PIGK: variants seen among roughly 807,000 people sequenced by gnomAD.
PIGK encodes GPI-anchor transamidase.
PIGK carries 42 observed loss-of-function variants against 50.6 expected under a neutral mutation model. That is an observed-to-expected ratio of 0.83 (90% CI 0.65 to 1.07). PIGK has a LOEUF of 1.07. PIGK is among the 50% of genes least tolerant of loss of function. PIGK has a pLI of 0.00. For synonymous variants in PIGK, 151 were observed against 156.0 expected, an observed-to-expected ratio of 0.97 and a Z score of 0.24; for missense variants, 448 against 488.7, an observed-to-expected ratio of 0.92 and a Z score of 0.78.
At chr1:77,207,292 G>A (rs764624741) in intron 2 of PIGK, among the ~76,000 whole-genome samples, 10 of 152,116 alleles carry the variant, frequency 6.6e-5, no homozygotes, top group Non-Finnish European at 1.3e-4. Context: ...ATCAAATACT[G>A]AACCAACTTA....
At chr1:77,100,877 A>G (rs1653526987) in intron 10 of PIGK, among the ~76,000 whole-genome samples, 1 of 152,156 alleles carries the variant, frequency 6.6e-6, no homozygotes, top group Non-Finnish European at 1.5e-5. Flanking sequence ...AAACACAAAG[A>G]ACTGAATTCT....
chr1:77,200,451 T>C (rs994397189), intron 3 of PIGK, among the ~76,000 whole-genome samples: 4 of 152,028 alleles, frequency 2.6e-5, no homozygotes. Flanking sequence ...CATATACACA[T>C]TTTAGAATTT....
At chr1:77,120,210 T>C (rs1654067169) in intron 10 of PIGK, among the ~76,000 whole-genome samples, 1 of 152,090 alleles carries the variant, frequency 6.6e-6, no homozygotes, top group South Asian at 2.1e-4. Context: ...AGGAAAAAAG[T>C]TGCATGCATT....
chr1:77,175,307 T>C (rs1655458018), intron 3 of PIGK, among the ~76,000 whole-genome samples: 1 of 152,134 alleles, frequency 6.6e-6, no homozygotes, highest in Non-Finnish European at 1.5e-5. Context: ...AAAGAGATTT[T>C]ATATAAGAAA....
chr1:77,168,730 A>C (rs946558815), intron 4 of PIGK, among the ~76,000 whole-genome samples: 1 of 151,798 alleles, frequency 6.6e-6, no homozygotes, highest in Non-Finnish European at 1.5e-5. Context: ...ACTTCATAAA[A>C]GAAGACTTCA....
intron 9 of PIGK, among the ~76,000 whole-genome samples, chr1:77,150,337 C>T (rs1265780590): frequency 2.0e-5 from 3 of 151,264 alleles, no homozygotes; most frequent in Non-Finnish European, 4.4e-5. Flanking sequence ...AGGCAACATA[C>T]GGAGACCCCC....
intron 6 of PIGK, 93 bp downstream of exon 6, chr1:77,163,753 T>C: frequency 1.4e-6 from 1 of 695,730 alleles, no homozygotes; most frequent in Admixed American, 3.2e-5. Context: ...CAAAATAAGT[T>C]AAAAATCTTA....
chr1:77,115,269 A>G (rs1653936115), intron 10 of PIGK, among the ~76,000 whole-genome samples: 1 of 152,216 alleles, frequency 6.6e-6, no homozygotes, highest in Non-Finnish European at 1.5e-5. Flanking sequence ...GAGATTCTCA[A>G]CTATATATAT....
At chr1:77,190,188 G>A (rs1486771826) in intron 3 of PIGK, among the ~76,000 whole-genome samples, 1 of 151,730 alleles carries the variant, frequency 6.6e-6, no homozygotes, top group Non-Finnish European at 1.5e-5. Context: ...AGGAGTTCAA[G>A]ACCAGCCTGG....
chr1:77,154,459 T>A lies in PIGK; in HGVS notation c.976A>T (p.Met326Leu). The change falls in exon 9 of 11, where the codon ATG becomes TTG. Residue 326 changes from methionine (M) to leucine (L), a missense_variant. Coordinates refer to ENST00000370812, the MANE Select transcript of PIGK (RefSeq NM_005482.3). ...GTTTAAGATGAATACCTGCTTTCCA[T>A]GATTTCTGAATCCTGTTGCAATTTA... ...TIKLQQDSEI[M>L]ESSYKEDQMD... 1.2e-6 allele frequency: 2 copies of A among 1,607,648 alleles called. No homozygotes were observed. Among genetic ancestry groups the A allele is most frequent in the Non-Finnish European group, 1.7e-6 (2 of 1,175,526 alleles).
At chr1:77,124,380 G>A (rs923523131) in intron 9 of PIGK, among the ~76,000 whole-genome samples, 5 of 152,086 alleles carry the variant, frequency 3.3e-5, no homozygotes, top group South Asian at 2.1e-4. Context: ...AGGCCGAGGC[G>A]GGTGCATCTC....
chr1:77,153,447 T>G (rs1365624147), intron 9 of PIGK: 1 of 152,076 alleles, frequency 6.6e-6, no homozygotes, highest in East Asian at 1.9e-4. Context: ...AGTAGGGAAA[T>G]TATTAACAAT....
intron 3 of PIGK, among the ~76,000 whole-genome samples, chr1:77,171,294 G>A (rs2689666): frequency 0.17 from 26,194 of 151,052 alleles, 3,867 homozygotes; most frequent in African/African-American, 0.4. Context: ...AAAATTAGCC[G>A]GGCATGGTGG....
At chr1:77,184,573 T>C (rs1427267959) in intron 3 of PIGK, among the ~76,000 whole-genome samples, 2 of 152,194 alleles carry the variant, frequency 1.3e-5, no homozygotes, top group Non-Finnish European at 2.9e-5. Context: ...CTAACATTGA[T>C]TCCAAGGGAC....
chr1:77,120,395 T>C (rs1225940553), intron 10 of PIGK, among the ~76,000 whole-genome samples: 1 of 152,112 alleles, frequency 6.6e-6, no homozygotes, highest in Non-Finnish European at 1.5e-5. Flanking sequence ...ATTTTCTGTA[T>C]TACTTGTAGA....
At chr1:77,166,595 A>G (rs912354174) in intron 5 of PIGK, 124 bp downstream of exon 5, 1 of 566,912 alleles carries the variant, frequency 1.8e-6, no homozygotes, top group Non-Finnish European at 3.1e-6. Flanking sequence ...TATGGAAAAT[A>G]TAACTACATG....
intron 2 of PIGK, among the ~76,000 whole-genome samples, chr1:77,209,463 G>C (rs1656365986): frequency 6.6e-6 from 1 of 152,066 alleles, no homozygotes; most frequent in Non-Finnish European, 1.5e-5. Context: ...GTAATGTGTT[G>C]ACCAGCAGTC....
intron 1 of PIGK, among the ~76,000 whole-genome samples, chr1:77,213,958 C>A (rs1656487224): frequency 6.6e-6 from 1 of 152,128 alleles, no homozygotes; most frequent in African/African-American, 2.4e-5. Context: ...TTCCTGAACA[C>A]ATACAAGCTA....
chr1:77,199,546 C>A (rs1011282609), intron 3 of PIGK, among the ~76,000 whole-genome samples: 9 of 150,944 alleles, frequency 6.0e-5, no homozygotes, highest in Non-Finnish European at 1.2e-4. Context: ...GACAAAATCA[C>A]CAAATATGAT....
Sources: allele counts gnomAD v4.1 joint callset (sites outside exome capture counted in the v4.1 genomes callset), GRCh38; gene constraint gnomAD v4.1.1; transcripts MANE v1.5; gene names NCBI Gene and HGNC (gene_info 2026-07-23, HGNC 2026-07-21).